Variants in BRPF3 observed in about 807,000 individuals in gnomAD.
The protein encoded by BRPF3 is bromodomain and PHD finger containing 3, also known as bromodomain and PHD finger-containing protein 3.
A neutral mutation model predicts 102.0 loss-of-function variants in BRPF3; 18 were observed. The observed-to-expected ratio is 0.18, with a 90% confidence interval of 0.12 to 0.26. The LOEUF is 0.26. BRPF3 is among the 10% of genes least tolerant of loss of function. The pLI, the probability that BRPF3 is intolerant of heterozygous loss-of-function variation, is 1.00. For synonymous variants in BRPF3, 570 were observed against 614.2 expected, an observed-to-expected ratio of 0.93 and a Z score of 1.06; for missense variants, 1,147 against 1,567.8, an observed-to-expected ratio of 0.73 and a Z score of 4.53.
In BRPF3 at chr6:36,201,012, C is replaced by G. The variant is rs375381508; in HGVS notation, c.690C>G (p.Leu230=). Residue 230 remains leucine, a synonymous_variant, in exon 2 of 13, where the codon CTC becomes CTG. Coordinates refer to ENST00000357641, the MANE Select transcript of BRPF3 (RefSeq NM_015695.3). The surrounding 1 kb of genome is among the most constrained non-coding windows in gnomAD (Gnocchi z 5.1). The part of the protein sequence containing the change: ...DDECHNSNVI[L]FCDICNLAVH... ...AATGTCACAATAGCAATGTTATTCT[C>G]TTCTGTGACATCTGCAACCTGGCTG... 2 of 1,614,148 alleles carry G rather than the reference C, an allele frequency of 1.2e-6. No individual in the cohort carries two copies. The highest frequency in any genetic ancestry group is 8.5e-7 in the Non-Finnish European group (1 of 1,180,042).
At chr6:36,209,661 T>C in intron 4 of BRPF3, 126 bp from the exon 5 acceptor site, 1 of 1,205,930 alleles carries the variant, frequency 8.3e-7, no homozygotes, top group Non-Finnish European at 1.1e-6. Flanking sequence ...TCTCATATAC[T>C]GGTCAGCTTA....
chr6:36,210,337 C>T lies in BRPF3; in HGVS notation c.1988C>T (p.Thr663Ile). The T allele has an allele frequency of 6.2e-7, 1 of 1,614,240 alleles. No individual in the cohort carries two copies. The stretch of plus-strand genomic sequence containing the variant: ...GAGGAGGACTTTAACCTTATAGTTA[C>T]CAACTGCATGAAGTATAATGCTAAA... ...EFEEDFNLIV[T>I]NCMKYNAKDT... The change falls in exon 6 of 13, where the codon ACC becomes ATC. Residue 663 changes from threonine to isoleucine, a missense_variant. By Grantham distance (89) the Thr-to-Ile change is moderately conservative (BLOSUM62 -1). Coordinates refer to ENST00000357641, the MANE Select transcript of BRPF3 (RefSeq NM_015695.3). The surrounding 1 kb of genome is among the most constrained non-coding windows in gnomAD (Gnocchi z 4.7).
In BRPF3 at chr6:36,230,362, A is replaced by G. The variant is rs1391787700; in HGVS notation, c.3435-64A>G. 3 of 1,547,616 alleles carry G rather than the reference A, an allele frequency of 1.9e-6. No homozygotes were observed. Among genetic ancestry groups the G allele is most frequent in the Non-Finnish European group, 2.7e-6 (3 of 1,131,284 alleles). Reference sequence around the variant, plus strand: ...TTGCTGGTCCTGGCCAAGTGGGGCCACAGGAGCCCGAGCCCCCTGTGAGAC... The same window carrying G: ...TTGCTGGTCCTGGCCAAGTGGGGCCGCAGGAGCCCGAGCCCCCTGTGAGAC... On this transcript the variant is annotated intron_variant, in intron 12 of 12. Coordinates refer to ENST00000357641, the MANE Select transcript of BRPF3 (RefSeq NM_015695.3). This position sits in a 1 kb window ranked among gnomAD's most constrained non-coding sequence, Gnocchi z 5.4.
At chr6:36,222,855 A>G (rs1561833265) in intron 10 of BRPF3, among the ~76,000 whole-genome samples, 1 of 151,620 alleles carries the variant, frequency 6.6e-6, no homozygotes. Flanking sequence ...TTATGCATAG[A>G]TAATTTTATA....
intron 7 of BRPF3, among the ~76,000 whole-genome samples, chr6:36,212,938 C>T (rs1044753516): frequency 6.6e-6 from 1 of 150,456 alleles, no homozygotes; most frequent in Non-Finnish European, 1.5e-5. Flanking sequence ...CCGGCCTGGG[C>T]GACAGAGCGA....
Position 36,230,395 on chromosome 6 carries a change from T to C in BRPF3, c.3435-31T>C, listed in dbSNP as rs752281109. On this transcript the variant is annotated intron_variant, in intron 12 of 12. Transcript: ENST00000357641. This position sits in a 1 kb window ranked among gnomAD's most constrained non-coding sequence, Gnocchi z 5.4. ...CCGAGCCCCCTGTGAGACCCACTACTGCCCAGCCTCTTACTGTGCTTGCAT... is the reference window on the plus strand; with the variant it reads ...CCGAGCCCCCTGTGAGACCCACTACCGCCCAGCCTCTTACTGTGCTTGCAT... 6.2e-7 allele frequency: 1 copy of C among 1,609,346 alleles called. No homozygotes were observed. Among genetic ancestry groups the C allele is most frequent in the East Asian group, 2.2e-5 (1 of 44,796 alleles).
Position 36,222,153 on chromosome 6 carries a change from C to G in BRPF3, c.3084-15C>G. 1.9e-6 allele frequency: 3 copies of G among 1,550,104 alleles called. No individual in the cohort carries two copies. Among genetic ancestry groups the G allele is most frequent in the South Asian group, 2.4e-5 (2 of 83,988 alleles). On this transcript the variant is annotated splice_polypyrimidine_tract_variant and intron_variant, in intron 9 of 12. Transcript: ENST00000357641. ...AATTGCTCATTTCACCCCTCTCTCC[C>G]TGCTCTGTGTGCAGTGGTCTGACGC...
intron 3 of BRPF3, among the ~76,000 whole-genome samples, chr6:36,206,892 G>A (rs375708798): frequency 7.9e-5 from 12 of 152,264 alleles, no homozygotes; most frequent in South Asian, 2.1e-4. Context: ...GGCAGGAATC[G>A]TGATTTGTTT....
chr6:36,213,199 G>A (rs988320273), intron 7 of BRPF3, among the ~76,000 whole-genome samples: 1 of 152,168 alleles, frequency 6.6e-6, no homozygotes, highest in Non-Finnish European at 1.5e-5. Flanking sequence ...TAAGCATGTG[G>A]CTTTCTTTGT....
In BRPF3 at chr6:36,222,214, C is replaced by G. The variant is rs1236908913; in HGVS notation, c.3130C>G (p.Arg1044Gly). The part of the protein sequence containing the change: ...KRSRGKPALS[R>G]VPFLEGVNGD... ...CAGCCGTGGGAAGCCAGCCCTGTCT[C>G]GAGTGCCCTTCCTGGAAGGTGTGAA... The change falls in exon 10 of 13, where the codon CGA becomes GGA. Residue 1044 changes from arginine to glycine, a missense_variant. Physicochemically the swap from Arg to Gly is moderately radical, Grantham distance 125. Transcript: ENST00000357641. The G allele has an allele frequency of 6.4e-7, 1 of 1,550,590 alleles. No homozygotes were observed. The highest frequency in any genetic ancestry group is 1.2e-5 in the South Asian group (1 of 84,012).
chr6:36,203,045 G>C (rs758537659), intron 2 of BRPF3, among the ~76,000 whole-genome samples: 4 of 152,212 alleles, frequency 2.6e-5, no homozygotes, highest in Non-Finnish European at 5.9e-5. Context: ...AGCTGTTCTA[G>C]GTTATTCTTT....
Position 36,210,644 on chromosome 6 carries a change from GCTGAGGGTGAGCACAGA to G in BRPF3, c.2179+123_2179+139del. 1.1e-6 allele frequency: 1 copy of G among 938,310 alleles called. No individual in the cohort carries two copies. The highest frequency in any genetic ancestry group is 1.6e-6 in the Non-Finnish European group (1 of 637,360). 58.1% of individuals were successfully genotyped at this position (938,310 alleles called of 1,614,324 possible). ...GCTATAGGTAGACTCCAGGAGCAAA[GCTGAGGGTGAGCACAGA>G]CTGAGGTATACCTTTGTGGCTAGAA... On this transcript the variant is annotated intron_variant, in intron 6 of 12. Coordinates refer to ENST00000357641, the MANE Select transcript of BRPF3 (RefSeq NM_015695.3). The surrounding 1 kb of genome is among the most constrained non-coding windows in gnomAD (Gnocchi z 4.7).
At chr6:36,229,248 ACT>A (rs1470960932) in intron 12 of BRPF3, among the ~76,000 whole-genome samples, 192 bp downstream of exon 12, 1 of 152,150 alleles carries the variant, frequency 6.6e-6, no homozygotes, top group Non-Finnish European at 1.5e-5. Flanking sequence ...CCTGGGAAAC[ACT>A]CTGAGGTCGA....
At chr6:36,228,351 G>A (rs1040574164) in intron 11 of BRPF3, among the ~76,000 whole-genome samples, 1 of 152,194 alleles carries the variant, frequency 6.6e-6, no homozygotes, top group Non-Finnish European at 1.5e-5. Context: ...CAAACCTGAA[G>A]GAGAAGGGCC....
intron 10 of BRPF3, among the ~76,000 whole-genome samples, chr6:36,223,123 G>A (rs977128313): frequency 2.0e-5 from 3 of 152,172 alleles, no homozygotes; most frequent in Non-Finnish European, 4.4e-5. Context: ...GCTGTTCTCT[G>A]AGCTCATCTC....
chr6:36,214,247 T>C lies in BRPF3; in HGVS notation c.2850T>C (p.Asn950=). 1.9e-6 allele frequency: 3 copies of C among 1,614,138 alleles called. No individual in the cohort carries two copies. The highest frequency in any genetic ancestry group is 2.5e-6 in the Non-Finnish European group (3 of 1,180,034). The change falls in exon 8 of 13, where the codon AAT becomes AAC. Residue 950 remains asparagine, a synonymous_variant. Coordinates refer to ENST00000357641, the MANE Select transcript of BRPF3 (RefSeq NM_015695.3). ...LQRSPDRVLE[N]GEDHGVAGSP... ...GAAGCCCAGACAGGGTCCTGGAGAA[T>C]GGCGAGGACCATGGTGTGGCAGGCT... is the stretch of plus-strand genomic sequence containing the variant.
intron 7 of BRPF3, among the ~76,000 whole-genome samples, chr6:36,212,513 C>A (rs1394826443): frequency 6.6e-6 from 1 of 151,320 alleles, no homozygotes; most frequent in African/African-American, 2.4e-5. Flanking sequence ...CATTTGTATC[C>A]CTACTTCTGG....
chr6:36,215,780 G>A (rs1449817102), intron 8 of BRPF3, among the ~76,000 whole-genome samples: 2 of 152,112 alleles, frequency 1.3e-5, no homozygotes, highest in Non-Finnish European at 2.9e-5. Flanking sequence ...AGCCAAGACT[G>A]GATGGGTGAG....
At chr6:36,214,649 A>G (rs1009174883) in intron 8 of BRPF3, among the ~76,000 whole-genome samples, 4 of 152,178 alleles carry the variant, frequency 2.6e-5, no homozygotes, top group Admixed American at 1.3e-4. Context: ...TATAAAGTAA[A>G]ATGATTCCTA....
Sources: gnomAD v4.1 joint callset for allele counts (sites outside exome capture counted in the v4.1 genomes callset) on GRCh38, gnomAD v4.1.1 for gene constraint, Gnocchi (gnomAD v3.1) non-coding constraint, MANE v1.5 for transcripts, NCBI Gene and HGNC (gene_info 2026-07-23, HGNC 2026-07-21) for gene names.